ZNF365: variants seen among roughly 807,000 people sequenced by gnomAD.
The protein encoded by ZNF365 is protein ZNF365.
A neutral mutation model predicts 35.0 loss-of-function variants in ZNF365; 22 were observed. That is an observed-to-expected ratio of 0.63 (90% CI 0.45 to 0.90). ZNF365 has a LOEUF of 0.90. ZNF365 is among the 40% of genes least tolerant of loss of function. The probability of loss-of-function intolerance (pLI) is 0.00; values close to 1 mark genes in which losing one functional copy is unlikely to be tolerated. For missense variants in ZNF365, 448 were observed against 500.3 expected, an observed-to-expected ratio of 0.90 and a Z score of 1.00; for synonymous variants, 188 against 196.2, an observed-to-expected ratio of 0.96 and a Z score of 0.35.
At chr10:62,459,656 TG>T (rs546753962) in intron 3 of ZNF365, 8 of 1,418,078 alleles carry the variant, frequency 5.6e-6, no homozygotes, top group African/African-American at 1.4e-5. Flanking sequence ...GAATGGAACA[TG>T]GCACTGCTTG....
intron 3 of ZNF365, among the ~76,000 whole-genome samples, chr10:62,417,935 A>T (rs970996579): frequency 6.6e-6 from 1 of 152,038 alleles, no homozygotes; most frequent in Non-Finnish European, 1.5e-5. Flanking sequence ...ACCTAATAAA[A>T]ATAGTTAATT....
intron 4 of ZNF365, among the ~76,000 whole-genome samples, chr10:62,476,683 A>G (rs968731530): frequency 6.6e-6 from 1 of 152,264 alleles, no homozygotes; most frequent in Non-Finnish European, 1.5e-5. Flanking sequence ...AGTGAAATGC[A>G]TAAGTCAAAT....
At chr10:62,474,697 C>T (rs1169191484) in intron 4 of ZNF365, among the ~76,000 whole-genome samples, 2 of 152,194 alleles carry the variant, frequency 1.3e-5, no homozygotes, top group Non-Finnish European at 2.9e-5. Flanking sequence ...TTCAGATATG[C>T]ATATTCACCT....
At chr10:62,395,347 CTTTT>C (rs776080763) in intron 3 of ZNF365, among the ~76,000 whole-genome samples, 1 of 138,294 alleles carries the variant, frequency 7.2e-6, no homozygotes, top group African/African-American at 2.6e-5. Context: ...CTCTGACACT[CTTTT>C]TTTTTTTTTT....
intron 3 of ZNF365, among the ~76,000 whole-genome samples, chr10:62,432,747 G>A (rs1241688795): frequency 3.3e-5 from 5 of 152,050 alleles, no homozygotes; most frequent in African/African-American, 1.2e-4. Context: ...GACAGAAGAC[G>A]GGCAATTTTG....
intron 4 of ZNF365, among the ~76,000 whole-genome samples, 157 bp downstream of exon 4, chr10:62,398,934 C>T (rs1839777152): frequency 6.6e-6 from 1 of 152,132 alleles, no homozygotes; most frequent in African/African-American, 2.4e-5. Context: ...GTGTATCTAA[C>T]TTTGTGAAAA....
chr10:62,465,395 G>T (rs1322604641), intron 4 of ZNF365, among the ~76,000 whole-genome samples: 2 of 152,200 alleles, frequency 1.3e-5, no homozygotes, highest in Non-Finnish European at 2.9e-5. Flanking sequence ...GTTGATGGTG[G>T]TGGGGGGCAG....
chr10:62,447,784 A>G (rs759651016), intron 3 of ZNF365, among the ~76,000 whole-genome samples: 1 of 152,158 alleles, frequency 6.6e-6, no homozygotes, highest in African/African-American at 2.4e-5. Flanking sequence ...AACAAGAGCT[A>G]TGTGACAATG....
downstream of ZNF365, among the ~76,000 whole-genome samples, chr10:62,404,525 C>G (rs1322784910): frequency 6.6e-6 from 1 of 152,134 alleles, no homozygotes; most frequent in Non-Finnish European, 1.5e-5. Context: ...TTTTCTCAGC[C>G]ATTGTTCTTT....
chr10:62,420,790 T>G (rs1277850597), intron 3 of ZNF365, among the ~76,000 whole-genome samples: 2 of 152,002 alleles, frequency 1.3e-5, no homozygotes, highest in African/African-American at 2.4e-5. Context: ...CAGGCTTTTT[T>G]TTTTTATTGA....
chr10:62,444,381 TC>T (rs2132467435), intron 3 of ZNF365, among the ~76,000 whole-genome samples: 1 of 152,312 alleles, frequency 6.6e-6, no homozygotes, highest in East Asian at 1.9e-4. Flanking sequence ...GTAGTATGTC[TC>T]TAGAAGTAGC....
In ZNF365 at chr10:62,402,327, G is replaced by A; in HGVS notation, c.*2538G>A. On this transcript the variant is annotated 3_prime_UTR_variant, in exon 5 of 5. Coordinates refer to ENST00000395254, the MANE Select transcript of ZNF365 (RefSeq NM_014951.3). ...TTATCTGCAAGGTTCAAGTTGCTTA[G>A]ACATTGTTTTCCAGTATTCTGCAGG... 1 of 985,550 alleles carries A rather than the reference G, an allele frequency of 1.0e-6. No homozygotes were observed. Among genetic ancestry groups the A allele is most frequent in the Non-Finnish European group, 1.2e-6 (1 of 829,910 alleles). The allele number at this position is 985,550 out of a possible 1,614,324, so 61.1% of individuals were successfully genotyped here.
intron 4 of ZNF365, among the ~76,000 whole-genome samples, chr10:62,471,977 T>C (rs1275435116): frequency 1.3e-5 from 2 of 152,234 alleles, no homozygotes; most frequent in Non-Finnish European, 2.9e-5. Context: ...GAATGGAAAT[T>C]GCCTGTAAGT....
chr10:62,425,087 A>C (rs1024781269), intron 3 of ZNF365, among the ~76,000 whole-genome samples: 2 of 152,170 alleles, frequency 1.3e-5, no homozygotes, highest in Non-Finnish European at 2.9e-5. Flanking sequence ...CTTGTTTTTC[A>C]AACAGTAAAC....
intron 2 of ZNF365, among the ~76,000 whole-genome samples, chr10:62,387,662 C>T (rs1038239849): frequency 2.6e-5 from 4 of 151,750 alleles, no homozygotes; most frequent in African/African-American, 9.7e-5. Context: ...ATAGTTTTCC[C>T]GGTGGTCTTT....
Position 62,399,782 on chromosome 10 carries a change from T to C in ZNF365, c.1217T>C (p.Ile406Thr). 6.2e-7 allele frequency: 1 copy of C among 1,612,246 alleles called. No homozygotes were observed. Among genetic ancestry groups the C allele is most frequent in the Non-Finnish European group, 8.5e-7 (1 of 1,179,338 alleles). ...AKKKPTAIVN[I>T]I ...AAAAAGCCAACAGCCATTGTGAACA[T>C]CATCTAAAAGGGTGGGTGGTGCTGG... The change falls in exon 5 of 5, where the codon ATC becomes ACC. Residue 406 changes from isoleucine to threonine, a missense_variant. Ile to Thr is a moderately conservative substitution (Grantham distance 89). This residue lies in a region of ZNF365 where 362 missense variants were observed against 375.7 expected (regional missense o/e 0.96). Transcript: ENST00000395254.
At chr10:62,417,953 G>C (rs1344543934) in intron 3 of ZNF365, among the ~76,000 whole-genome samples, 1 of 151,942 alleles carries the variant, frequency 6.6e-6, no homozygotes, top group Non-Finnish European at 1.5e-5. Flanking sequence ...ATTCTAAAGG[G>C]AGTGAGAGAA....
chr10:62,477,114 G>T (rs1841145265), intron 4 of ZNF365, among the ~76,000 whole-genome samples: 1 of 152,136 alleles, frequency 6.6e-6, no homozygotes, highest in Non-Finnish European at 1.5e-5. Flanking sequence ...CCTGCACAGT[G>T]GCCCATAATC....
At chr10:62,395,608 C>T (rs1344573505) in intron 3 of ZNF365, among the ~76,000 whole-genome samples, 4 of 150,492 alleles carry the variant, frequency 2.7e-5, no homozygotes, top group East Asian at 2.0e-4. Flanking sequence ...CTGCCCACGT[C>T]GGCCTCCTTT....
Sources: allele counts gnomAD v4.1 joint callset (sites outside exome capture counted in the v4.1 genomes callset), GRCh38; gene constraint gnomAD v4.1.1; regional missense constraint gnomAD v4.1.1; transcripts MANE v1.5; gene names NCBI Gene and HGNC (gene_info 2026-07-23, HGNC 2026-07-21).